TUSC3: variants seen among roughly 807,000 people sequenced by gnomAD.
TUSC3 encodes tumor suppressor candidate 3, also known as dolichyl-diphosphooligosaccharide--protein glycosyltransferase subunit TUSC3.
TUSC3 carries 45 observed loss-of-function variants against 44.8 expected under a neutral mutation model. The observed-to-expected ratio is 1.00, with a 90% CI of 0.79 to 1.29. TUSC3 has a LOEUF of 1.29. Ranked by LOEUF, TUSC3 falls within the 50% of genes most tolerant of loss-of-function variation. The probability of loss-of-function intolerance (pLI) is 0.00; values close to 1 mark genes in which losing one functional copy is unlikely to be tolerated. For synonymous variants in TUSC3, 212 were observed against 152.9 expected (o/e 1.39, Z -2.85); for missense variants, 519 against 437.9 (o/e 1.19, Z -1.65).
At chr8:15,750,508 G>A (rs1361388962) in intron 9 of TUSC3, among the ~76,000 whole-genome samples, 1 of 151,296 alleles carries the variant, frequency 6.6e-6, no homozygotes, top group African/African-American at 2.4e-5. Flanking sequence ...AAGAGTTTAA[G>A]TTTGTACTTC....
intron 6 of TUSC3, among the ~76,000 whole-genome samples, chr8:15,691,498 A>G (rs146556983): frequency 2.6e-5 from 4 of 152,030 alleles, no homozygotes; most frequent in Non-Finnish European, 1.5e-5. Context: ...GATGCCTTTT[A>G]TTTCATTCTC....
the TUSC3 span, among the ~76,000 whole-genome samples, chr8:15,774,339 T>A: frequency 5.3e-5 from 8 of 152,138 alleles, no homozygotes; most frequent in Non-Finnish European, 1.0e-4. Context: ...GATGAGGTCA[T>A]ACTGGAATAA....
chr8:15,738,323 G>A (rs1811023744), intron 7 of TUSC3, among the ~76,000 whole-genome samples: 1 of 152,116 alleles, frequency 6.6e-6, no homozygotes, highest in Admixed American at 6.5e-5. Context: ...AAATTGTCAA[G>A]TAAGAATAAA....
chr8:15,637,713 G>C (rs1487106450), intron 2 of TUSC3, among the ~76,000 whole-genome samples: 1 of 151,948 alleles, frequency 6.6e-6, no homozygotes, highest in Non-Finnish European at 1.5e-5. Flanking sequence ...ATGTGGGGTG[G>C]GGATGGCTAG....
chr8:15,498,933 T>C (rs1050300958), intron 2 of TUSC3, among the ~76,000 whole-genome samples: 11 of 152,218 alleles, frequency 7.2e-5, no homozygotes, highest in African/African-American at 2.2e-4. Flanking sequence ...CCGGATTGAA[T>C]TCTCAACTGA....
intron 6 of TUSC3, among the ~76,000 whole-genome samples, chr8:15,719,203 TCAC>T (rs1389322172): frequency 6.6e-6 from 1 of 152,092 alleles, no homozygotes; most frequent in Non-Finnish European, 1.5e-5. Flanking sequence ...ATCTAAGTCT[TCAC>T]CAGCACATTG....
chr8:15,673,958 T>C (rs1178098671), intron 6 of TUSC3, 122 bp downstream of exon 6: 1 of 794,526 alleles, frequency 1.3e-6, no homozygotes, highest in Non-Finnish European at 2.0e-6. Flanking sequence ...ATATATTCTT[T>C]CTCATTTACT....
At chr8:15,489,926 A>T (rs2013749) in intron 2 of TUSC3, among the ~76,000 whole-genome samples, 20,041 of 152,184 alleles carry the variant, frequency 0.13, 1,833 homozygotes, top group East Asian at 0.37. Flanking sequence ...TAATTCTGAT[A>T]TGGCTAGAAA....
chr8:15,823,474 A>G, the TUSC3 span, among the ~76,000 whole-genome samples: 1 of 152,190 alleles, frequency 6.6e-6, no homozygotes, highest in African/African-American at 2.4e-5. Flanking sequence ...AAGTTTCCCT[A>G]AATTTCCTCC....
intron 1 of TUSC3, among the ~76,000 whole-genome samples, chr8:15,564,060 G>A (rs1427082167): frequency 6.6e-6 from 1 of 151,972 alleles, no homozygotes; most frequent in Non-Finnish European, 1.5e-5. Context: ...CTCCATTATA[G>A]GAGAAACCAT....
chr8:15,659,827 TAA>T (rs1340517765), intron 4 of TUSC3, among the ~76,000 whole-genome samples, 180 bp downstream of exon 4: 3 of 152,126 alleles, frequency 2.0e-5, no homozygotes, highest in African/African-American at 7.2e-5. Flanking sequence ...AGATGCTTTT[TAA>T]AATAGTGGTT....
intron 6 of TUSC3, among the ~76,000 whole-genome samples, chr8:15,683,413 T>C (rs143425795): frequency 6.6e-6 from 1 of 152,100 alleles, no homozygotes; most frequent in Non-Finnish European, 1.5e-5. Context: ...TGAAATTGTT[T>C]CTTCTGCTTG....
chr8:15,647,715 A>G (rs181062268), intron 2 of TUSC3, among the ~76,000 whole-genome samples: 2 of 152,190 alleles, frequency 1.3e-5, no homozygotes, highest in Admixed American at 1.3e-4. Flanking sequence ...TAATTTTCTG[A>G]GAATTTGGGG....
chr8:15,764,501 C>A lies in TUSC3; in HGVS notation c.*345C>A. On this transcript the variant is annotated 3_prime_UTR_variant, in exon 11 of 11. Coordinates refer to ENST00000503731, the MANE Select transcript of TUSC3 (RefSeq NM_006765.4). ...GTAATTATGAATTCATGTTTTAGAG[C>A]TGTTTACTCATTAGTAAAGGACCGC... is the stretch of plus-strand genomic sequence containing the variant. 2.8e-6 allele frequency: 1 copy of A among 356,652 alleles called. No individual in the cohort carries two copies. 22.1% of individuals were successfully genotyped at this position (356,652 alleles called of 1,614,324 possible).
At chr8:15,619,992 G>T (rs1248549509) in intron 1 of TUSC3, among the ~76,000 whole-genome samples, 7 of 152,180 alleles carry the variant, frequency 4.6e-5, no homozygotes, top group Admixed American at 3.3e-4. Context: ...AACCCTGGAG[G>T]TGGAGGTTGC....
chr8:15,438,018 T>G (rs1799972489), intron 1 of TUSC3, among the ~76,000 whole-genome samples: 1 of 152,180 alleles, frequency 6.6e-6, no homozygotes, highest in South Asian at 2.1e-4. Context: ...ACCAGCAGGT[T>G]GTTAAATATT....
chr8:15,782,473 T>C, the TUSC3 span, among the ~76,000 whole-genome samples: 7 of 152,144 alleles, frequency 4.6e-5, no homozygotes, highest in Non-Finnish European at 8.8e-5. Flanking sequence ...AGTGAGACCC[T>C]GTCTCAAGAA....
the TUSC3 span, among the ~76,000 whole-genome samples, chr8:15,788,075 C>G: frequency 6.6e-6 from 1 of 152,128 alleles, no homozygotes; most frequent in African/African-American, 2.4e-5. Flanking sequence ...TGTAGTCCTT[C>G]CTTTCATGGG....
At chr8:15,605,901 T>C (rs1462424830) in intron 1 of TUSC3, among the ~76,000 whole-genome samples, 1 of 152,050 alleles carries the variant, frequency 6.6e-6, no homozygotes, top group African/African-American at 2.4e-5. Context: ...TAGGGTGAGC[T>C]TAAGTGTTGC....
Sources: allele counts gnomAD v4.1 joint callset (sites outside exome capture counted in the v4.1 genomes callset), GRCh38; gene constraint gnomAD v4.1.1; transcripts MANE v1.5; gene names NCBI Gene and HGNC (gene_info 2026-07-23, HGNC 2026-07-21).